CACNA2D3: variants seen among roughly 807,000 people sequenced by gnomAD.
CACNA2D3 encodes the protein calcium voltage-gated channel auxiliary subunit alpha2delta 3, also known as voltage-dependent calcium channel subunit alpha-2/delta-3.
Under a neutral mutation model 160.6 loss-of-function variants are expected in CACNA2D3, and 60 were observed. The ratio of observed to expected loss-of-function variants is 0.37; its 90% CI spans 0.30 to 0.46. The LOEUF is 0.46. Among genes scored for constraint, CACNA2D3 ranks in the 20% least tolerant of loss-of-function variants. The pLI, the probability that CACNA2D3 is intolerant of heterozygous loss-of-function variation, is 1.00. For synonymous variants in CACNA2D3, 558 were observed against 492.9 expected (o/e 1.13, Z -1.75); for missense variants, 1,205 against 1,365.0 (o/e 0.88, Z 1.85).
Position 54,403,356 on chromosome 3 carries a change from A to AACACACAC in CACNA2D3, c.381+16617_381+16624dup, listed in dbSNP as rs55779518. Among the ~76,000 whole-genome samples, 312 of 137,690 alleles carry AACACACAC rather than the reference A, an allele frequency of 2.3e-3. 4 individuals are homozygous for AACACACAC. The highest frequency in any genetic ancestry group is 6.9e-3 in the African/African-American group (253 of 36,434). 90.3% of individuals were successfully genotyped at this position (137,690 alleles called of 152,430 possible). A position where few individuals can be genotyped will look rare whatever the true frequency, so the allele number is the denominator to read the frequency against. On this transcript the variant is annotated intron_variant, in intron 4 of 37. Transcript: ENST00000474759. ...GGTGACAGAGCCGGACCCTATCTCA[A>AACACACAC]ACACACACACACACACACACACACA...
chr3:54,492,081 G>T (rs1001431257), intron 4 of CACNA2D3, among the ~76,000 whole-genome samples: 2 of 152,140 alleles, frequency 1.3e-5, no homozygotes, highest in Non-Finnish European at 2.9e-5. Context: ...AGATAAACTG[G>T]TGATTAGGCC....
intron 13 of CACNA2D3, among the ~76,000 whole-genome samples, chr3:54,809,314 T>TC (rs1423862075): frequency 0.01 from 1,034 of 102,220 alleles, 50 homozygotes; most frequent in African/African-American, 0.047. Flanking sequence ...CTTCTTTCTT[T>TC]TTTTTTTTTT....
intron 4 of CACNA2D3, among the ~76,000 whole-genome samples, chr3:54,418,366 G>C (rs747465843): frequency 4.6e-5 from 7 of 152,144 alleles, no homozygotes; most frequent in Non-Finnish European, 1.0e-4. Context: ...TGTTCTACTT[G>C]AGATTGGCTG....
chr3:54,784,970 C>T (rs780443663), intron 13 of CACNA2D3, among the ~76,000 whole-genome samples: 1 of 152,188 alleles, frequency 6.6e-6, no homozygotes, highest in Non-Finnish European at 1.5e-5. Context: ...CCTCTCTACA[C>T]TCTTGGGAAG....
intron 2 of CACNA2D3, among the ~76,000 whole-genome samples, chr3:54,314,140 G>A (rs372716721): frequency 3.3e-5 from 5 of 152,248 alleles, no homozygotes; most frequent in African/African-American, 1.2e-4. Flanking sequence ...CCACTTATAA[G>A]TGAGAACATA....
At chr3:54,969,044 G>A (rs1189074437) in intron 28 of CACNA2D3, among the ~76,000 whole-genome samples, 2 of 152,090 alleles carry the variant, frequency 1.3e-5, no homozygotes, top group African/African-American at 2.4e-5. Context: ...CCACTGATAA[G>A]TTGCTTCCAT....
At chr3:55,043,514 T>G (rs1704005832) in intron 35 of CACNA2D3, among the ~76,000 whole-genome samples, 1 of 152,156 alleles carries the variant, frequency 6.6e-6, no homozygotes, top group Non-Finnish European at 1.5e-5. Context: ...TGTTTTCTTT[T>G]TATTGAGTTT....
chr3:54,879,033 G>A lies in CACNA2D3; in HGVS notation c.1726G>A (p.Val576Met). The change falls in exon 19 of 38, where the codon GTG (valine) becomes ATG (methionine). Residue 576 changes from valine (V) to methionine (M), a missense_variant. Physicochemically the swap from Val to Met is conservative, Grantham distance 21. Coordinates refer to ENST00000474759, the MANE Select transcript of CACNA2D3 (RefSeq NM_018398.3). ...ATCATTTTAGTTGAGAAATGCTATG[G>A]TGAATCGAAAGACGGGGAAGTTTTC... is the stretch of plus-strand genomic sequence containing the variant. ...DRDDVLRNAM[V>M]NRKTGKFSME... 6.2e-7 allele frequency: 1 copy of A among 1,604,398 alleles called. No homozygotes were observed. Among genetic ancestry groups the A allele is most frequent in the Non-Finnish European group, 8.5e-7 (1 of 1,175,684 alleles).
chr3:54,447,522 T>A (rs958704009), intron 4 of CACNA2D3, among the ~76,000 whole-genome samples: 3 of 152,228 alleles, frequency 2.0e-5, no homozygotes. Flanking sequence ...AGTGGTCTCA[T>A]GTGATGTGGC....
intron 3 of CACNA2D3, among the ~76,000 whole-genome samples, chr3:54,354,558 T>C (rs1698616991): frequency 6.6e-6 from 1 of 152,246 alleles, no homozygotes; most frequent in African/African-American, 2.4e-5. Flanking sequence ...TCTGGGTCTC[T>C]TTCTTGTGCA....
intron 35 of CACNA2D3, 34 bp downstream of exon 35, chr3:55,018,351 C>T: frequency 7.6e-7 from 1 of 1,314,606 alleles, no homozygotes; most frequent in South Asian, 1.2e-5. Flanking sequence ...ACCCCCTACA[C>T]CTTTCTGCTC....
intron 13 of CACNA2D3, among the ~76,000 whole-genome samples, chr3:54,786,165 G>C (rs1453464869): frequency 6.6e-6 from 1 of 152,186 alleles, no homozygotes; most frequent in Admixed American, 6.5e-5. Context: ...ACTTAGCACA[G>C]CTTATTATTA....
At chr3:54,425,369 T>C (rs1325619398) in intron 4 of CACNA2D3, among the ~76,000 whole-genome samples, 1 of 152,112 alleles carries the variant, frequency 6.6e-6, no homozygotes, top group Non-Finnish European at 1.5e-5. Flanking sequence ...GTCAGAAAGA[T>C]TTAATTTCAA....
In CACNA2D3 at chr3:54,406,439, G is replaced by A. The variant is rs114998052; in HGVS notation, c.381+19665G>A. ...TGTATATACACACACATTGTACAATGTGTGTACACATATATACAATGGAAT... is the reference window on the plus strand; with the variant it reads ...TGTATATACACACACATTGTACAATATGTGTACACATATATACAATGGAAT... On this transcript the variant is annotated intron_variant, in intron 4 of 37. Transcript: ENST00000474759. Among the ~76,000 whole-genome samples, 1,414 of 152,146 alleles carry A rather than the reference G, an allele frequency of 9.3e-3. 15 individuals are homozygous for A. The highest frequency in any genetic ancestry group is 0.029 in the African/African-American group (1,222 of 41,514).
At chr3:54,303,221 G>A (rs993000571) in intron 2 of CACNA2D3, among the ~76,000 whole-genome samples, 1 of 152,136 alleles carries the variant, frequency 6.6e-6, no homozygotes, top group African/African-American at 2.4e-5. Flanking sequence ...TTCTTCTCTG[G>A]AGTAGTCCTA....
At chr3:54,372,076 A>C (rs1020747561) in intron 3 of CACNA2D3, among the ~76,000 whole-genome samples, 5 of 152,236 alleles carry the variant, frequency 3.3e-5, no homozygotes, top group African/African-American at 1.2e-4. Flanking sequence ...CCTGGCCCCA[A>C]GGGCCTCAGA....
chr3:54,549,433 G>A (rs1304277820), intron 5 of CACNA2D3, among the ~76,000 whole-genome samples: 3 of 152,188 alleles, frequency 2.0e-5, no homozygotes, highest in African/African-American at 4.8e-5. Context: ...GCGAAAGAGC[G>A]AGACTCCGTC....
chr3:54,564,779 G>C (rs968247086), intron 6 of CACNA2D3, among the ~76,000 whole-genome samples: 1 of 152,160 alleles, frequency 6.6e-6, no homozygotes, highest in African/African-American at 2.4e-5. Context: ...TTCTTGTGGG[G>C]ACATGCATTT....
intron 11 of CACNA2D3, among the ~76,000 whole-genome samples, chr3:54,730,906 C>A (rs1349630196): frequency 1.3e-5 from 2 of 152,158 alleles, no homozygotes; most frequent in Non-Finnish European, 2.9e-5. Flanking sequence ...AATTTAAATT[C>A]TCTTTAAACA....
Sources: allele counts gnomAD v4.1 joint callset (sites outside exome capture counted in the v4.1 genomes callset), GRCh38; gene constraint gnomAD v4.1.1; transcripts MANE v1.5; gene names NCBI Gene and HGNC (gene_info 2026-07-23, HGNC 2026-07-21).